Variants in CFAP92 observed in about 807,000 individuals in gnomAD.
The protein encoded by CFAP92 is cilia and flagella associated protein 92 (putative).
Under a neutral mutation model 106.3 loss-of-function variants are expected in CFAP92, and 86 were observed. That is an observed-to-expected ratio of 0.81 (90% CI 0.68 to 0.97). The LOEUF (loss-of-function observed/expected upper bound fraction) is 0.97, where lower values mean the gene tolerates loss of function less well. Ranked by LOEUF, CFAP92 falls within the 50% of genes least tolerant of loss-of-function variation. The pLI is 0.00. For missense variants in CFAP92, 1,204 were observed against 1,283.8 expected (o/e 0.94, Z 0.95); for synonymous variants, 477 against 506.4 (o/e 0.94, Z 0.78).
At chr3:128,921,437 CCT>C (rs533325712) in intron 12 of CFAP92, among the ~76,000 whole-genome samples, 130 of 152,300 alleles carry the variant, frequency 8.5e-4, no homozygotes, top group African/African-American at 3.0e-3. Flanking sequence ...CTATTAGACC[CCT>C]GACAGGGAAG....
At chr3:128,982,700 T>C (rs1365073451) in intron 4 of CFAP92, among the ~76,000 whole-genome samples, 1 of 152,226 alleles carries the variant, frequency 6.6e-6, no homozygotes, top group Admixed American at 6.5e-5. Context: ...CTCCTTTCAC[T>C]TGAACACTTT....
At chr3:128,987,556 T>C (rs1943935035) in intron 4 of CFAP92, 60 bp downstream of exon 4, 1 of 1,439,008 alleles carries the variant, frequency 6.9e-7, no homozygotes, top group East Asian at 2.3e-5. Context: ...CTGGCTTTTA[T>C]GCTGTTACTA....
At position 128,909,924 on chromosome 3, in the gene CFAP92, C is replaced by A; in HGVS notation, c.*375G>T. 6.5e-7 allele frequency: 1 copy of A among 1,540,770 alleles called. No homozygotes were observed. The highest frequency in any genetic ancestry group is 8.9e-7 in the Non-Finnish European group (1 of 1,128,974). ...ATTGACTCCACTTTCTCAAGGAACA[C>A]AGGAGACTAAGACAGGCAAAGATGC... On this transcript the variant is annotated 3_prime_UTR_variant, in exon 16 of 16. Coordinates refer to ENST00000645291, the MANE Select transcript of CFAP92 (RefSeq NM_001394090.1).
chr3:128,933,489 TG>T (rs1359925066), intron 11 of CFAP92, among the ~76,000 whole-genome samples: 9 of 152,152 alleles, frequency 5.9e-5, no homozygotes, highest in Non-Finnish European at 1.3e-4. Context: ...CATGGCCTGG[TG>T]TGCAGTGGGC....
Position 128,910,089 on chromosome 3 carries a change from G to T in CFAP92, c.*210C>A. On this transcript the variant is annotated 3_prime_UTR_variant, in exon 16 of 16. Coordinates refer to ENST00000645291, the MANE Select transcript of CFAP92 (RefSeq NM_001394090.1). ...TCCTCATCAACCTGTATGGCATGAC[G>T]GCCGTGCTGTCGCGGGCCAGCCGCT... The T allele has an allele frequency of 1.2e-6, 2 of 1,613,908 alleles. No homozygotes were observed. The highest frequency in any genetic ancestry group is 2.2e-5 in the South Asian group (2 of 91,028).
At chr3:128,919,890 C>G (rs1937125723) in intron 12 of CFAP92, among the ~76,000 whole-genome samples, 2 of 152,324 alleles carry the variant, frequency 1.3e-5, no homozygotes, top group South Asian at 2.1e-4. Flanking sequence ...GGAGTAAGGG[C>G]AAGCCTGACT....
chr3:128,912,612 G>A, intron 15 of CFAP92: 1 of 1,613,226 alleles, frequency 6.2e-7, no homozygotes, highest in Non-Finnish European at 8.5e-7. Context: ...TGCTGAGGCA[G>A]GGGACAGTGT....
the CFAP92 span, among the ~76,000 whole-genome samples, chr3:129,025,478 G>A: frequency 4.6e-5 from 7 of 152,346 alleles, no homozygotes; most frequent in Non-Finnish European, 5.9e-5. Context: ...GCCCAGTGCC[G>A]TGGGTGATGT....
intron 10 of CFAP92, among the ~76,000 whole-genome samples, chr3:128,935,791 C>CTGTAATCTAGAGATTGCAGCTAG (rs1938948532): frequency 6.6e-6 from 1 of 152,098 alleles, no homozygotes. Context: ...TGTACTCTAG[C>CTGTAATCTAGAGATTGCAGCTAG]CCGGACAACA....
intron 4 of CFAP92, among the ~76,000 whole-genome samples, chr3:128,985,168 G>A (rs373392754): frequency 1.3e-4 from 20 of 152,174 alleles, no homozygotes; most frequent in African/African-American, 4.3e-4. Context: ...TCATTGCAAC[G>A]TTTCACAGTG....
intron 1 of CFAP92, chr3:129,001,794 G>A (rs1559951388): frequency 6.5e-7 from 1 of 1,544,906 alleles, no homozygotes; most frequent in South Asian, 1.2e-5. Flanking sequence ...CACCGGCCTG[G>A]ACCAGTACCT....
At chr3:128,964,619 C>T (rs559780772) in intron 9 of CFAP92, among the ~76,000 whole-genome samples, 3 of 152,314 alleles carry the variant, frequency 2.0e-5, no homozygotes, top group Admixed American at 1.3e-4. Context: ...AATCAGATGT[C>T]CTAGGTCCTC....
intron 12 of CFAP92, among the ~76,000 whole-genome samples, chr3:128,930,308 G>A (rs540271162): frequency 2.6e-5 from 4 of 151,952 alleles, no homozygotes; most frequent in Admixed American, 1.3e-4. Flanking sequence ...CCGCCACCAC[G>A]CCCAGCTAAT....
chr3:128,999,684 G>C (rs767455877), intron 1 of CFAP92, among the ~76,000 whole-genome samples: 1 of 151,720 alleles, frequency 6.6e-6, no homozygotes, highest in African/African-American at 2.4e-5. Flanking sequence ...GATTACAGGC[G>C]CCTGCCACCA....
At chr3:129,023,997 G>T in the CFAP92 span, among the ~76,000 whole-genome samples, 5 of 152,128 alleles carry the variant, frequency 3.3e-5, no homozygotes, top group Admixed American at 1.3e-4. Flanking sequence ...CCAGGCTCTG[G>T]TCTTGTCCCT....
intron 9 of CFAP92, among the ~76,000 whole-genome samples, chr3:128,956,994 A>AAAG (rs1553751693): frequency 0.13 from 17,138 of 128,990 alleles, 1,721 homozygotes; most frequent in Middle Eastern, 0.22. Context: ...AAAAAAAAAA[A>AAAG]AAAGAAATCA....
At position 128,909,962 on chromosome 3, in the gene CFAP92, G is replaced by T; in HGVS notation, c.*337C>A. ...CAGGCAAAGATGCAGCCCAGGGAGG[G>T]ACCATGTGGGGGACTGGTCTAGGTA... On this transcript the variant is annotated 3_prime_UTR_variant, in exon 16 of 16. Coordinates refer to ENST00000645291, the MANE Select transcript of CFAP92 (RefSeq NM_001394090.1). 6.2e-7 allele frequency: 1 copy of T among 1,601,258 alleles called. No individual in the cohort carries two copies. The highest frequency in any genetic ancestry group is 1.1e-5 in the South Asian group (1 of 88,312).
At chr3:129,013,613 G>A in the CFAP92 span, among the ~76,000 whole-genome samples, 1 of 152,172 alleles carries the variant, frequency 6.6e-6, no homozygotes, top group African/African-American at 2.4e-5. Flanking sequence ...TTTCCCAGTA[G>A]TTCCAACATA....
In CFAP92 at chr3:128,910,815, T is replaced by A; in HGVS notation, c.3281-482A>T. ...TCAGCCTCTCTCAGCTGGACAAGTG[T>A]GAGTGGCATGTCTTGGGGGAGGGAA... On this transcript the variant is annotated intron_variant, in intron 15 of 15. Coordinates refer to ENST00000645291, the MANE Select transcript of CFAP92 (RefSeq NM_001394090.1). The A allele has an allele frequency of 5.0e-6, 8 of 1,614,166 alleles. No individual in the cohort carries two copies. Among genetic ancestry groups the A allele is most frequent in the Non-Finnish European group, 6.8e-6 (8 of 1,180,024 alleles).
Sources: gnomAD v4.1 joint callset for allele counts (sites outside exome capture counted in the v4.1 genomes callset) on GRCh38, gnomAD v4.1.1 for gene constraint, MANE v1.5 for transcripts, NCBI Gene and HGNC (gene_info 2026-07-23, HGNC 2026-07-21) for gene names.